The following UTY variants were observed in gnomAD, a reference collection of about 807,000 sequenced individuals.
The protein encoded by UTY is ubiquitously transcribed tetratricopeptide repeat containing, Y-linked.
Under a neutral mutation model 32.5 loss-of-function variants are expected in UTY, and 12 were observed. That is an observed-to-expected ratio of 0.37 (90% CI 0.24 to 0.60). The LOEUF is 0.60. UTY is among the 20% of genes least tolerant of loss of function. The pLI is 0.69. For missense variants in UTY, 303 were observed against 299.2 expected, an observed-to-expected ratio of 1.01 and a Z score of -0.09; for synonymous variants, 131 against 103.4, an observed-to-expected ratio of 1.27 and a Z score of -1.62.
Position 13,363,984 on chromosome Y carries a change from A to G in UTY, c.866+2283T>C, listed in dbSNP as rs765055916. Among the ~76,000 whole-genome samples the G allele has an allele frequency of 6.0e-4, 20 of 33,464 alleles. No individual in the cohort carries two copies. In the South Asian group the frequency reaches 0.013, roughly 22 times the overall value. 89.8% of individuals were successfully genotyped at this position (33,464 alleles called of 37,273 possible). A position where few individuals can be genotyped will look rare whatever the true frequency, so the allele number is the denominator to read the frequency against. ...TGTATTACTAGCAACCCAAGGTCAA[A>G]TATTTTATAAACCCTAGAGTTCTTC... On this transcript the variant is annotated intron_variant, in intron 10 of 29. Transcript: ENST00000545955.
chrY:13,395,711 A>G, intron 7 of UTY, among the ~76,000 whole-genome samples: 1 of 29,870 alleles, frequency 3.3e-5, no homozygotes, highest in Admixed American at 3.2e-4. Flanking sequence ...AAAACCAAAA[A>G]CTATGTCCCA....
At chrY:13,473,409 GAACT>G (rs2078700618) in intron 2 of UTY, among the ~76,000 whole-genome samples, 1 of 33,359 alleles carries the variant, frequency 3.0e-5, no homozygotes, top group Non-Finnish European at 7.4e-5. Context: ...CAAAGGCAAA[GAACT>G]AACTGACGAT....
At chrY:13,351,968 G>C (rs1025375076) in intron 17 of UTY, among the ~76,000 whole-genome samples, 3 of 33,509 alleles carry the variant, frequency 9.0e-5, no homozygotes, top group Admixed American at 2.7e-4. Flanking sequence ...TGTTCACTTT[G>C]CATCTCTGTA....
At chrY:13,469,712 C>T in intron 3 of UTY, among the ~76,000 whole-genome samples, 1 of 33,482 alleles carries the variant, frequency 3.0e-5, no homozygotes, top group Non-Finnish European at 7.4e-5. Flanking sequence ...TATTTTCTAA[C>T]TATAATGAAA....
At chrY:13,262,340 T>C (rs2055338195) in intron 27 of UTY, among the ~76,000 whole-genome samples, 1 of 32,301 alleles carries the variant, frequency 3.1e-5, no homozygotes, top group Non-Finnish European at 7.5e-5. Context: ...TGCATGATGT[T>C]ACAAGGCTAT....
In UTY at chrY:13,335,982, A is replaced by G; in HGVS notation, c.2415T>C (p.Val805=). Residue 805 remains valine (V), a synonymous_variant, in exon 18 of 30, where the codon GTT becomes GTC. Coordinates refer to ENST00000545955, the MANE Select transcript of UTY (RefSeq NM_001258249.2). ...GTGAATCTCCATGGTTAGGACTGGA[A>G]ACAGCATCTGCTATCAACTGATGAA... ...NHVHQLIADA[V]SSPNHGDSPN... is the part of the protein sequence containing the mutation. 2.5e-6 allele frequency: 1 copy of G among 399,456 alleles called. No homozygotes were observed. The highest frequency in any genetic ancestry group is 3.0e-5 in the South Asian group (1 of 33,815).
Position 13,479,727 on chromosome Y carries a change from C to T in UTY, c.-62G>A. 2.7e-6 allele frequency: 1 copy of T among 369,889 alleles called. No homozygotes were observed. The highest frequency in any genetic ancestry group is 3.8e-6 in the Non-Finnish European group (1 of 264,483). 92.3% of individuals were successfully genotyped at this position (369,889 alleles called of 400,897 possible). A position where few individuals can be genotyped will look rare whatever the true frequency, so the allele number is the denominator to read the frequency against. On this transcript the variant is annotated 5_prime_UTR_variant, in exon 1 of 30. Coordinates refer to ENST00000545955, the MANE Select transcript of UTY (RefSeq NM_001258249.2). ...AACCTTAATCGAGTAGTTGAAAAGACGCCTTCAATCGCTGCTTGAGACTGT... is the reference window on the plus strand; with the variant it reads ...AACCTTAATCGAGTAGTTGAAAAGATGCCTTCAATCGCTGCTTGAGACTGT...
At chrY:13,238,115 C>T in intron 28 of UTY, among the ~76,000 whole-genome samples, 1 of 33,649 alleles carries the variant, frequency 3.0e-5, no homozygotes, top group Admixed American at 2.6e-4. Context: ...TCCCTCTAAC[C>T]CCTGCTTTCC....
At chrY:13,347,546 C>A (rs2062015960) in intron 17 of UTY, among the ~76,000 whole-genome samples, 1 of 31,285 alleles carries the variant, frequency 3.2e-5, no homozygotes, top group Admixed American at 3.0e-4. Flanking sequence ...ATGGTGAAAC[C>A]CTGACTCTAC....
intron 4 of UTY, among the ~76,000 whole-genome samples, chrY:13,445,905 G>C (rs2075700668): frequency 3.0e-5 from 1 of 33,157 alleles, no homozygotes; most frequent in Non-Finnish European, 7.5e-5. Flanking sequence ...TTAACATGAA[G>C]GAATTTTGAA....
intron 8 of UTY, among the ~76,000 whole-genome samples, chrY:13,378,042 C>T (rs2065585823): frequency 3.0e-5 from 1 of 33,089 alleles, no homozygotes; most frequent in South Asian, 6.5e-4. Context: ...GACATGTGTA[C>T]TCAAAATAAG....
At chrY:13,251,640 G>A (rs2148349024) in intron 28 of UTY, among the ~76,000 whole-genome samples, 2 of 32,771 alleles carry the variant, frequency 6.1e-5, no homozygotes, top group East Asian at 1.6e-3. Context: ...TGATGTCTAG[G>A]GCACATTATT....
intron 17 of UTY, among the ~76,000 whole-genome samples, chrY:13,352,664 G>A: frequency 2.9e-5 from 1 of 33,949 alleles, no homozygotes; most frequent in South Asian, 6.5e-4. Flanking sequence ...AGGAAGGCAT[G>A]TCCAAAGCCA....
intron 28 of UTY, among the ~76,000 whole-genome samples, chrY:13,235,612 C>T: frequency 3.0e-5 from 1 of 33,661 alleles, no homozygotes; most frequent in Non-Finnish European, 7.4e-5. Flanking sequence ...TCCCCACTCC[C>T]CACCACTTGG....
intron 24 of UTY, among the ~76,000 whole-genome samples, chrY:13,303,863 T>C: frequency 3.0e-5 from 1 of 33,799 alleles, no homozygotes; most frequent in Admixed American, 2.7e-4. Flanking sequence ...ATTTGTATTG[T>C]ATTATTCATT....
chrY:13,297,223 T>G (rs2058080069), intron 27 of UTY, among the ~76,000 whole-genome samples: 1 of 33,544 alleles, frequency 3.0e-5, no homozygotes, highest in Non-Finnish European at 7.4e-5. Flanking sequence ...AGAGATCATA[T>G]GGCAAGAGAA....
chrY:13,479,647 A>G lies in UTY; in HGVS notation c.19T>C (p.Ser7Pro). The change falls in exon 1 of 30, where the codon TCG becomes CCG. Residue 7 changes from serine (S) to proline (P), a missense_variant. Physicochemically the swap from Ser to Pro is moderately conservative, Grantham distance 74. Coordinates refer to ENST00000545955, the MANE Select transcript of UTY (RefSeq NM_001258249.2). ...AAGGCAACAGCGGCGGTAGTGAGCG[A>G]CACTGCGCAGGATTTCATGGAAACA... The part of the protein sequence containing the change: MKSCAV[S>P]LTTAAVAFGD... The G allele has an allele frequency of 2.5e-6, 1 of 394,882 alleles. No homozygotes were observed.
intron 27 of UTY, among the ~76,000 whole-genome samples, chrY:13,292,483 G>T (rs2057823392): frequency 3.5e-5 from 1 of 28,200 alleles, no homozygotes; most frequent in African/African-American, 1.4e-4. Context: ...AACAAGAAAA[G>T]AAAAGGAAAA....
chrY:13,376,374 T>C (rs2065390933), intron 8 of UTY, among the ~76,000 whole-genome samples: 1 of 33,789 alleles, frequency 3.0e-5, no homozygotes, highest in Non-Finnish European at 7.4e-5. Context: ...CAACTTCTTA[T>C]ATATTTGTAT....
Sources: gnomAD v4.1 joint callset for allele counts (sites outside exome capture counted in the v4.1 genomes callset) on GRCh38, gnomAD v4.1.1 for gene constraint, MANE v1.5 for transcripts, NCBI Gene and HGNC (gene_info 2026-07-23, HGNC 2026-07-21) for gene names.